EGFR: variants seen among roughly 807,000 people sequenced by gnomAD.
EGFR encodes the protein epidermal growth factor receptor.
In EGFR, 58 loss-of-function variants were observed where a neutral mutation model predicts 143.0. The observed-to-expected ratio is 0.41, with a 90% confidence interval of 0.33 to 0.50. The LOEUF (loss-of-function observed/expected upper bound fraction) is 0.50. EGFR is among the 20% of genes least tolerant of loss of function. The pLI, the probability that EGFR is intolerant of heterozygous loss-of-function variation, is 0.39. For synonymous variants in EGFR, 613 were observed against 594.4 expected (o/e 1.03, Z -0.45); for missense variants, 1,307 against 1,579.0 (o/e 0.83, Z 2.92).
intron 1 of EGFR, among the ~76,000 whole-genome samples, chr7:55,132,464 A>G (rs6959843): frequency 2.6e-5 from 4 of 152,100 alleles, no homozygotes; most frequent in African/African-American, 9.7e-5. Context: ...GGGAAGGCAT[A>G]AAAAAAAGAA....
intron 1 of EGFR, chr7:55,110,061 G>A (rs772329558): frequency 1.8e-5 from 10 of 552,828 alleles, no homozygotes; most frequent in Non-Finnish European, 2.3e-5. Flanking sequence ...AGATACTGCT[G>A]GGGAGGGAAG....
At chr7:55,048,329 T>C (rs1788297478) in intron 1 of EGFR, among the ~76,000 whole-genome samples, 1 of 152,200 alleles carries the variant, frequency 6.6e-6, no homozygotes, top group South Asian at 2.1e-4. Flanking sequence ...AATGTAGGCC[T>C]TACTGATTCT....
intron 1 of EGFR, among the ~76,000 whole-genome samples, chr7:55,084,251 T>C (rs1790632200): frequency 1.3e-5 from 2 of 152,044 alleles, no homozygotes; most frequent in South Asian, 4.2e-4. Flanking sequence ...TCTTCCAGGC[T>C]CATAAGGGTT....
intron 1 of EGFR, among the ~76,000 whole-genome samples, chr7:55,132,014 C>G (rs1452304102): frequency 1.4e-5 from 2 of 146,942 alleles, no homozygotes; most frequent in South Asian, 4.2e-4. Context: ...TCTTTTCTTT[C>G]GATTTTTGGT....
chr7:55,031,681 G>C (rs1422208882), intron 1 of EGFR, among the ~76,000 whole-genome samples: 1 of 152,216 alleles, frequency 6.6e-6, no homozygotes, highest in Non-Finnish European at 1.5e-5. Flanking sequence ...ATGTTGCTCA[G>C]TTGCAAAAAC....
chr7:55,095,844 C>T (rs964212356), intron 1 of EGFR, among the ~76,000 whole-genome samples: 3 of 150,342 alleles, frequency 2.0e-5, no homozygotes, highest in African/African-American at 7.4e-5. Context: ...CACAGGGATA[C>T]ACACAGACAC....
rs1788152536 is a variant in EGFR, at chr7:55,208,038, T to C, written c.*2421T>C. 6.6e-6 allele frequency: 1 copy of C among 152,194 alleles called. No individual in the cohort carries two copies. The highest frequency in any genetic ancestry group is 2.4e-5 in the African/African-American group (1 of 41,446). The allele number at this position is 152,194 out of a possible 1,614,324, so 9.4% of individuals were successfully genotyped here. ...ACATTGTAGCATTAAATTCTAGTAT[T>C]TTTGTAGTTTGAAACAGTAACTTAA... On this transcript the variant is annotated 3_prime_UTR_variant, in exon 28 of 28. Coordinates refer to ENST00000275493, the MANE Select transcript of EGFR (RefSeq NM_005228.5).
intron 22 of EGFR, among the ~76,000 whole-genome samples, chr7:55,195,390 TC>T (rs1472680915): frequency 6.6e-6 from 1 of 152,252 alleles, no homozygotes; most frequent in African/African-American, 2.4e-5. Flanking sequence ...TCTAAAATTA[TC>T]ACTGCTTTCA....
At chr7:55,043,227 A>T (rs1788000174) in intron 1 of EGFR, among the ~76,000 whole-genome samples, 1 of 152,232 alleles carries the variant, frequency 6.6e-6, no homozygotes, top group South Asian at 2.1e-4. Flanking sequence ...CTAAACCAGT[A>T]GCTCTTAACT....
chr7:55,203,057 A>G, intron 27 of EGFR: 1 of 308,722 alleles, frequency 3.2e-6, no homozygotes, highest in Non-Finnish European at 6.0e-6. Flanking sequence ...AATATTAATA[A>G]ATTTTAAGCT....
chr7:55,162,058 T>G (rs979595208), intron 13 of EGFR, among the ~76,000 whole-genome samples: 7 of 152,248 alleles, frequency 4.6e-5, no homozygotes, highest in African/African-American at 1.7e-4. Context: ...ATATCTGTTT[T>G]ATGTGCCCCC....
chr7:55,116,165 A>G (rs1792828708), intron 1 of EGFR, among the ~76,000 whole-genome samples: 1 of 152,226 alleles, frequency 6.6e-6, no homozygotes, highest in Non-Finnish European at 1.5e-5. Context: ...CGATTCAAAA[A>G]GGGCATGCAT....
intron 1 of EGFR, among the ~76,000 whole-genome samples, chr7:55,080,999 T>C (rs753121794): frequency 6.6e-6 from 1 of 152,204 alleles, no homozygotes; most frequent in African/African-American, 2.4e-5. Context: ...GCCACTATAC[T>C]ACTTAGAAAT....
chr7:55,191,194 G>GTAA (rs970580746), intron 20 of EGFR, among the ~76,000 whole-genome samples: 15 of 151,956 alleles, frequency 9.9e-5, no homozygotes, highest in East Asian at 1.9e-4. Flanking sequence ...TGTGGTTTCA[G>GTAA]TAATAATAAT....
At chr7:55,131,771 G>A (rs1415137959) in intron 1 of EGFR, among the ~76,000 whole-genome samples, 1 of 152,084 alleles carries the variant, frequency 6.6e-6, no homozygotes, top group Non-Finnish European at 1.5e-5. Context: ...CATGCTCTGA[G>A]GTCCCTGCTG....
chr7:55,132,248 C>A (rs1793886944), intron 1 of EGFR, among the ~76,000 whole-genome samples: 1 of 152,188 alleles, frequency 6.6e-6, no homozygotes, highest in Admixed American at 6.5e-5. Flanking sequence ...GGAAGCCAAA[C>A]AAAATCTCTC....
rs1178642122 is a variant in EGFR, at chr7:55,156,807, T to C, written c.1182T>C (p.Ile394=). 1 of 1,614,240 alleles carries C rather than the reference T, an allele frequency of 6.2e-7. No individual in the cohort carries two copies. The highest frequency in any genetic ancestry group is 8.5e-7 in the Non-Finnish European group (1 of 1,180,052). Residue 394 remains isoleucine, a synonymous_variant, in exon 10 of 28, where the codon ATT becomes ATC. Transcript: ENST00000275493. ...TPPLDPQELD[I]LKTVKEITGF... The stretch of plus-strand genomic sequence containing the variant: ...CTCTGGATCCACAGGAACTGGATAT[T>C]CTGAAAACCGTAAAGGAAATCACAG...
intron 1 of EGFR, among the ~76,000 whole-genome samples, chr7:55,041,865 C>G (rs749076111): frequency 1.4e-4 from 21 of 152,164 alleles, no homozygotes; most frequent in Non-Finnish European, 2.9e-4. Context: ...GGAAACAGTA[C>G]TTGGATTAAA....
At chr7:55,089,245 T>C (rs909275122) in intron 1 of EGFR, among the ~76,000 whole-genome samples, 1 of 152,200 alleles carries the variant, frequency 6.6e-6, no homozygotes, top group African/African-American at 2.4e-5. Flanking sequence ...CCTCATCTTC[T>C]GTGAGGCTGT....
Sources: allele counts gnomAD v4.1 joint callset (sites outside exome capture counted in the v4.1 genomes callset), GRCh38; gene constraint gnomAD v4.1.1; transcripts MANE v1.5; gene names NCBI Gene and HGNC (gene_info 2026-07-23, HGNC 2026-07-21).